Variants in GLYR1 observed in about 807,000 individuals in gnomAD.
GLYR1 encodes cytokine-like nuclear factor N-PAC.
GLYR1 carries 21 observed loss-of-function variants against 72.7 expected under a neutral mutation model. That is an observed-to-expected ratio of 0.29 (90% confidence interval 0.20 to 0.42). The LOEUF (loss-of-function observed/expected upper bound fraction) is 0.42, where lower values mean the gene tolerates loss of function less well. Ranked by LOEUF, GLYR1 falls within the 10% of genes least tolerant of loss-of-function variation. The pLI, the probability that GLYR1 is intolerant of heterozygous loss-of-function variation, is 1.00. For missense variants in GLYR1, 594 were observed against 712.1 expected (o/e 0.83, Z 1.89); for synonymous variants, 392 against 270.2 (o/e 1.45, Z -4.42).
chr16:4,828,469 G>A (rs2084572822), intron 5 of GLYR1, among the ~76,000 whole-genome samples: 1 of 152,080 alleles, frequency 6.6e-6, no homozygotes, highest in African/African-American at 2.4e-5. Context: ...AGACGTTTGT[G>A]TGACCTGCAA....
Position 4,803,260 on chromosome 16 carries a change from CAT to C in GLYR1, c.*1974_*1975del, listed in dbSNP as rs2082791968. The C allele has an allele frequency of 6.5e-6, 1 of 152,800 alleles. No individual in the cohort carries two copies. The highest frequency in any genetic ancestry group is 6.5e-5 in the Admixed American group (1 of 15,306). The allele number at this position is 152,800 out of a possible 1,614,324, so 9.5% of individuals were successfully genotyped here. A position where few individuals can be genotyped will look rare whatever the true frequency, so the allele number is the denominator to read the frequency against. The stretch of plus-strand genomic sequence containing the variant: ...AGTAGCTTTGTTAATTGCACAAAAT[CAT>C]GTTTTGTTTTTGCCATTTAAACATT... On this transcript the variant is annotated 3_prime_UTR_variant, in exon 16 of 16. Transcript: ENST00000321919.
At chr16:4,821,981 G>C (rs996490336) in intron 7 of GLYR1, among the ~76,000 whole-genome samples, 1 of 152,250 alleles carries the variant, frequency 6.6e-6, no homozygotes, top group East Asian at 1.9e-4. Context: ...TGAGCTTGAA[G>C]ATGTGTCTGC....
chr16:4,832,036 C>T lies in GLYR1; in HGVS notation c.480G>A (p.Leu160=), dbSNP rs745683265. Residue 160 remains leucine (L), a synonymous_variant, in exon 5 of 16, where the codon CTG becomes CTA. Coordinates refer to ENST00000321919, the MANE Select transcript of GLYR1 (RefSeq NM_032569.4). The part of the protein sequence containing the change: ...GSSERGSKSP[L]KRAQEQSPRK... Reference sequence around the variant, plus strand: ...GGGGACTTTGCTCTTGGGCTCTTTTCAGAGGGGATTTGGAGCCTCTCTCTG... The same window carrying T: ...GGGGACTTTGCTCTTGGGCTCTTTTTAGAGGGGATTTGGAGCCTCTCTCTG... 1 of 1,614,218 alleles carries T rather than the reference C, an allele frequency of 6.2e-7. No individual in the cohort carries two copies. Among genetic ancestry groups the T allele is most frequent in the Non-Finnish European group, 8.5e-7 (1 of 1,180,032 alleles).
intron 15 of GLYR1, among the ~76,000 whole-genome samples, chr16:4,807,832 A>G (rs2083083356): frequency 6.6e-6 from 1 of 152,256 alleles, no homozygotes. Context: ...CTATCCAGAG[A>G]GAATCCACTG....
chr16:4,821,060 G>A (rs764304479), intron 9 of GLYR1: 10 of 431,588 alleles, frequency 2.3e-5, no homozygotes, highest in Admixed American at 7.3e-5. Context: ...GGCCCCACCC[G>A]GACATATTGA....
In GLYR1 at chr16:4,821,780, C is replaced by T. The variant is rs1427740681; in HGVS notation, c.682-183G>A. ...ACATTACCTCATTCAAGTCCCCATG[C>T]AATTCTACCAGGTCTTTTTGCTGAC... On this transcript the variant is annotated intron_variant, in intron 7 of 15. Coordinates refer to ENST00000321919, the MANE Select transcript of GLYR1 (RefSeq NM_032569.4). The T allele has an allele frequency of 1.1e-5, 7 of 627,982 alleles. No individual in the cohort carries two copies. In the Admixed American group the frequency reaches 1.3e-4, roughly 12 times the overall value. 38.9% of individuals were successfully genotyped at this position (627,982 alleles called of 1,614,324 possible).
At chr16:4,809,188 GTTTT>G (rs1263215689) in intron 15 of GLYR1, among the ~76,000 whole-genome samples, 1 of 95,246 alleles carries the variant, frequency 1.0e-5, no homozygotes, top group Non-Finnish European at 2.0e-5. Flanking sequence ...AGCAGCTTTC[GTTTT>G]TTTTTTTTTT....
Position 4,813,853 on chromosome 16 carries a change from G to A in GLYR1, c.1018-15C>T, listed in dbSNP as rs1048433592. 6 of 1,599,040 alleles carry A rather than the reference G, an allele frequency of 3.8e-6. No individual in the cohort carries two copies. The highest frequency in any genetic ancestry group is 5.1e-6 in the Non-Finnish European group (6 of 1,170,576). On this transcript the variant is annotated splice_polypyrimidine_tract_variant and intron_variant, in intron 11 of 15. Transcript: ENST00000321919. The stretch of plus-strand genomic sequence containing the variant: ...CCCAGCACCAGCTGTGGGGACACAA[G>A]GGAGAAGCAATAGCCCAGGCTCCCG...
intron 10 of GLYR1, among the ~76,000 whole-genome samples, chr16:4,815,549 T>C (rs888572663): frequency 7.4e-5 from 11 of 148,960 alleles, no homozygotes; most frequent in African/African-American, 2.6e-4. Context: ...AACTTCTCTA[T>C]GTTTTAAATT....
intron 10 of GLYR1, among the ~76,000 whole-genome samples, chr16:4,815,976 T>C (rs1394492979): frequency 6.6e-6 from 1 of 151,608 alleles, no homozygotes; most frequent in African/African-American, 2.4e-5. Context: ...AGAGACGGGG[T>C]TTCACCGAGG....
chr16:4,847,222 A>C lies in GLYR1; in HGVS notation c.38+6T>G. 1 of 1,603,446 alleles carries C rather than the reference A, an allele frequency of 6.2e-7. No homozygotes were observed. The highest frequency in any genetic ancestry group is 8.5e-7 in the Non-Finnish European group (1 of 1,176,504). ...CGTCTCGGTTGGCCCGGCCGCTCGGACTCACCACACCAAGTCGCCGAGCCG... is the reference window on the plus strand; with the variant it reads ...CGTCTCGGTTGGCCCGGCCGCTCGGCCTCACCACACCAAGTCGCCGAGCCG... On this transcript the variant is annotated splice_donor_region_variant and intron_variant, in intron 1 of 15. Transcript: ENST00000321919.
At chr16:4,819,295 G>C (rs1459622273) in intron 9 of GLYR1, among the ~76,000 whole-genome samples, 1 of 152,112 alleles carries the variant, frequency 6.6e-6, no homozygotes, top group Non-Finnish European at 1.5e-5. Flanking sequence ...TTATGGGCGT[G>C]AGCCACTGCA....
intron 15 of GLYR1, among the ~76,000 whole-genome samples, chr16:4,806,287 AG>A (rs2082963658): frequency 6.6e-6 from 1 of 152,174 alleles, no homozygotes; most frequent in African/African-American, 2.4e-5. Flanking sequence ...AGGGAGAGGA[AG>A]GGGGAAAGAA....
At chr16:4,813,601 G>C (rs2083450432) in intron 12 of GLYR1, 136 bp downstream of exon 12, 4 of 748,724 alleles carry the variant, frequency 5.3e-6, no homozygotes, top group Admixed American at 4.1e-5. Context: ...GGATAGGCTA[G>C]TCCCAAGGCT....
chr16:4,845,050 A>T (rs1365060837), intron 3 of GLYR1, 24 bp downstream of exon 3: 1 of 1,504,972 alleles, frequency 6.6e-7, no homozygotes, highest in African/African-American at 1.4e-5. Context: ...AGGCGAAGGG[A>T]GACTCCTGGT....
chr16:4,811,242 C>T lies in GLYR1; in HGVS notation c.1515G>A (p.Lys505=), dbSNP rs761719504. 1.2e-6 allele frequency: 2 copies of T among 1,614,182 alleles called. No homozygotes were observed. Among genetic ancestry groups the T allele is most frequent in the East Asian group, 2.2e-5 (1 of 44,884 alleles). Residue 505 remains lysine, a synonymous_variant, in exon 15 of 16, where the codon AAG becomes AAA. Transcript: ENST00000321919. ...CCAGCGCAATGGCTAAGCGGAGATC[C>T]TTCTGAATGTATTTCAGGTAGAAAT... ...KPDFYLKYIQ[K]DLRLAIALGD...
chr16:4,830,850 T>G (rs986046021), intron 5 of GLYR1, among the ~76,000 whole-genome samples: 2 of 152,186 alleles, frequency 1.3e-5, no homozygotes, highest in African/African-American at 2.4e-5. Flanking sequence ...GGCATTCTTG[T>G]GGCAATGCAG....
At chr16:4,846,336 T>C in intron 1 of GLYR1, 126 bp from the exon 2 acceptor site, 1 of 1,059,092 alleles carries the variant, frequency 9.4e-7, no homozygotes, top group South Asian at 1.3e-5. Context: ...ACAAAAGCTT[T>C]CATAGCTGGG....
chr16:4,817,896 T>C, intron 9 of GLYR1, 199 bp from the exon 10 acceptor site: 2 of 550,848 alleles, frequency 3.6e-6, no homozygotes, highest in South Asian at 2.2e-5. Flanking sequence ...GGTCTAAAGC[T>C]GTCCCAGGAT....
Sources: allele counts gnomAD v4.1 joint callset (sites outside exome capture counted in the v4.1 genomes callset), GRCh38; gene constraint gnomAD v4.1.1; transcripts MANE v1.5; gene names NCBI Gene and HGNC (gene_info 2026-07-23, HGNC 2026-07-21).